The following ANKRD35 variants were observed in gnomAD, a reference collection of about 807,000 sequenced individuals.
ANKRD35 encodes ankyrin repeat domain-containing protein 35.
In ANKRD35, 102 loss-of-function variants were observed where a neutral mutation model predicts 109.9. That is an observed-to-expected ratio of 0.93 (90% CI 0.79 to 1.09). ANKRD35 has a LOEUF of 1.09. Ranked by LOEUF, ANKRD35 falls within the 50% of genes least tolerant of loss-of-function variation. The pLI is 0.00. For synonymous variants in ANKRD35, 515 were observed against 512.4 expected (o/e 1.01, Z -0.07); for missense variants, 1,240 against 1,230.1 (o/e 1.01, Z -0.12).
chr1:145,875,092 T>G, intron 7 of ANKRD35, 86 bp from the exon 8 acceptor site: 1 of 1,361,050 alleles, frequency 7.3e-7, no homozygotes, highest in East Asian at 2.4e-5. Context: ...CAGGGTAAGC[T>G]CTCATTCAGT....
chr1:145,867,302 A>G lies in ANKRD35; in HGVS notation c.*28T>C, dbSNP rs782693569. On this transcript the variant is annotated 3_prime_UTR_variant, in exon 13 of 14. Transcript: ENST00000355594. ...CACAACTCACAACAGAGAATCTCGT[A>G]TCCCTGAGGGCACACAGTGAGGCTG... is the stretch of plus-strand genomic sequence containing the variant. 6.2e-7 allele frequency: 1 copy of G among 1,607,446 alleles called. No homozygotes were observed. Among genetic ancestry groups the G allele is most frequent in the Non-Finnish European group, 8.5e-7 (1 of 1,174,098 alleles).
Position 145,872,891 on chromosome 1 carries a change from G to GTTAC in ANKRD35, c.1874_1877dup (p.Asn626LysfsTer2). On this transcript the variant is annotated stop_gained and frameshift_variant, in exon 10 of 14. Transcript: ENST00000355594. LOFTEE classifies it high-confidence loss of function. ...CCAACTCCCCTAACTCCTCCAGCAA[G>GTTAC]TTACTGTTGCTCAGTCTCAGTACTG... 6.2e-7 allele frequency: 1 copy of GTTAC among 1,614,082 alleles called. No homozygotes were observed. Among genetic ancestry groups the GTTAC allele is most frequent in the African/African-American group, 1.3e-5 (1 of 75,048 alleles).
rs1553739252 is a variant in ANKRD35, at chr1:145,873,150, CG to C, written c.1618del (p.Arg540AspfsTer18). On this transcript the variant is annotated frameshift_variant, in exon 10 of 14. Coordinates refer to ENST00000355594, the MANE Select transcript of ANKRD35 (RefSeq NM_144698.5). LOFTEE classifies it high-confidence loss of function. ...CAGCCTTGCCAGCACCCGCTCCAGT[CG>C]GGCTTCCATCTTCTCCCAGGCAGCT... ...AAAAWEKMEARLERVLARLEW... is the reference protein window; with the variant it reads ...AAAAWEKMEAXLERVLARLEW... 1.2e-6 allele frequency: 2 copies of C among 1,613,950 alleles called. No individual in the cohort carries two copies. Among genetic ancestry groups the C allele is most frequent in the Middle Eastern group, 1.6e-4 (1 of 6,084 alleles).
chr1:145,878,554 T>G, intron 2 of ANKRD35, 75 bp from the exon 3 acceptor site: 5 of 1,370,070 alleles, frequency 3.6e-6, no homozygotes, highest in Non-Finnish European at 5.1e-6. Context: ...TGATAAGCCC[T>G]TCTTGCTATG....
chr1:145,872,267 T>C lies in ANKRD35; in HGVS notation c.2502A>G (p.Gln834=). 1 of 1,612,008 alleles carries C rather than the reference T, an allele frequency of 6.2e-7. No individual in the cohort carries two copies. The highest frequency in any genetic ancestry group is 8.5e-7 in the Non-Finnish European group (1 of 1,179,174). Residue 834 remains glutamine, a synonymous_variant, in exon 10 of 14, where the codon CAA becomes CAG. Coordinates refer to ENST00000355594, the MANE Select transcript of ANKRD35 (RefSeq NM_144698.5). ...CCAGCGAACCCCGAGTTTTCTCGTG[T>C]TGCCGTAGGCTGGCTGCCTCCCGGG... The part of the protein sequence containing the change: ...LRAREAASLR[Q]HEKTRGSLVA...
At chr1:145,876,318 CT>C in intron 6 of ANKRD35, 72 bp from the exon 7 acceptor site, 1 of 1,443,776 alleles carries the variant, frequency 6.9e-7, no homozygotes, top group South Asian at 1.2e-5. Context: ...ACCGGCTCCC[CT>C]CCCCTCACAC....
Position 145,885,628 on chromosome 1 carries a change from A to G in ANKRD35, c.39+92T>C, listed in dbSNP as rs1654447426. The G allele has an allele frequency of 6.4e-6, 9 of 1,414,408 alleles. No homozygotes were observed. In the South Asian group the frequency reaches 1.1e-4, roughly 17 times the overall value. 87.6% of individuals were successfully genotyped at this position (1,414,408 alleles called of 1,614,324 possible). A position where few individuals can be genotyped will look rare whatever the true frequency, so the allele number is the denominator to read the frequency against. On this transcript the variant is annotated intron_variant, in intron 1 of 13. Transcript: ENST00000355594. Reference sequence around the variant, plus strand: ...AGAGCTAGAAAGACTGATAAAAAGAAAAGGCGATGATGCATTGAGACGGGA... The same window carrying G: ...AGAGCTAGAAAGACTGATAAAAAGAGAAGGCGATGATGCATTGAGACGGGA...
chr1:145,875,056 A>C (rs587642903), intron 7 of ANKRD35, 50 bp from the exon 8 acceptor site: 2 of 1,522,212 alleles, frequency 1.3e-6, no homozygotes. Flanking sequence ...GGAACCCAGA[A>C]GTCCTGGTTC....
At position 145,877,233 on chromosome 1, in the gene ANKRD35, A is replaced by ATT. The variant is rs55662836; in HGVS notation, c.325-362_325-361dup. Among the ~76,000 whole-genome samples the ATT allele has an allele frequency of 1.5e-3, 209 of 140,358 alleles. 3 individuals are homozygous for ATT. Among genetic ancestry groups the ATT allele is most frequent in the South Asian group, 0.011 (49 of 4,388 alleles). The allele number at this position is 140,358 out of a possible 152,430, so 92.1% of individuals were successfully genotyped here. A position where few individuals can be genotyped will look rare whatever the true frequency, so the allele number is the denominator to read the frequency against. The stretch of plus-strand genomic sequence containing the variant: ...GCCTGATGGCCGGTTAAGATAACTG[A>ATT]TTTTTTTTTTTTTTTTTGAGACAGA... On this transcript the variant is annotated intron_variant, in intron 4 of 13. Coordinates refer to ENST00000355594, the MANE Select transcript of ANKRD35 (RefSeq NM_144698.5).
rs1468171245 is a variant in ANKRD35, at chr1:145,872,980, C to A, written c.1789G>T (p.Gly597Trp). 1.2e-6 allele frequency: 2 copies of A among 1,610,650 alleles called. No homozygotes were observed. The highest frequency in any genetic ancestry group is 1.7e-6 in the Non-Finnish European group (2 of 1,178,470). ...AGGGCCTTTTCCCCTCCAAGGGCCC[C>A]TAGAGGCTCTCCTTGAGCCCCAGGA... ...RVPGAQGEPL[G>W]ALGGEKALGG... The change falls in exon 10 of 14, where the codon GGG (glycine) becomes TGG (tryptophan). Residue 597 changes from glycine to tryptophan, a missense_variant. Gly to Trp is a radical substitution (Grantham distance 184). Coordinates refer to ENST00000355594, the MANE Select transcript of ANKRD35 (RefSeq NM_144698.5).
Position 145,873,119 on chromosome 1 carries a change from C to T in ANKRD35, c.1650G>A (p.Trp550Ter). Residue 550 changes from tryptophan to a stop codon, truncating the protein, a stop_gained, in exon 10 of 14, where the codon TGG (tryptophan) becomes TGA (stop). Coordinates refer to ENST00000355594, the MANE Select transcript of ANKRD35 (RefSeq NM_144698.5). LOFTEE classifies it high-confidence loss of function. ...RLERVLARLE[W>*]AKAGLQVKPE... ...GTTTCACCTGTAGTCCTGCCTTTGC[C>T]CATTCCAGCCTTGCCAGCACCCGCT... 1 of 1,614,012 alleles carries T rather than the reference C, an allele frequency of 6.2e-7. No homozygotes were observed. Among genetic ancestry groups the T allele is most frequent in the Non-Finnish European group, 8.5e-7 (1 of 1,180,004 alleles).
intron 8 of ANKRD35, 40 bp from the exon 9 acceptor site, chr1:145,874,232 G>A (rs201416442): frequency 6.2e-7 from 1 of 1,604,246 alleles, no homozygotes; most frequent in Non-Finnish European, 8.5e-7. Context: ...GAGAAGACAG[G>A]TTCCATGTAC....
At chr1:145,878,066 TG>T (rs1204523811) in intron 3 of ANKRD35, 34 bp from the exon 4 acceptor site, 3 of 1,590,442 alleles carry the variant, frequency 1.9e-6, no homozygotes, top group Non-Finnish European at 2.6e-6. Flanking sequence ...GGAGGGTAGG[TG>T]GCCCCATGCA....
intron 13 of ANKRD35, 70 bp downstream of exon 13, chr1:145,867,217 C>A (rs1653636380): frequency 1.8e-6 from 2 of 1,093,076 alleles, no homozygotes; most frequent in Non-Finnish European, 2.8e-6. Context: ...GGACTAATTT[C>A]ATTCCATACA....
intron 6 of ANKRD35, 26 bp from the exon 7 acceptor site, chr1:145,876,272 A>T (rs376079572): frequency 1.9e-6 from 3 of 1,598,314 alleles, no homozygotes; most frequent in East Asian, 2.2e-5. Flanking sequence ...GAAGAGGTTC[A>T]TGAGCAGCCA....
rs782382709 is a variant in ANKRD35, at chr1:145,876,556, A to G, written c.453+13T>C. 2 of 1,614,156 alleles carry G rather than the reference A, an allele frequency of 1.2e-6. No homozygotes were observed. The highest frequency in any genetic ancestry group is 1.7e-6 in the Non-Finnish European group (2 of 1,180,020). ...TGTGTAGGACACTGCCCACTTGCCCATCTGACACTCACATTATCCAACACG... is the reference window on the plus strand; with the variant it reads ...TGTGTAGGACACTGCCCACTTGCCCGTCTGACACTCACATTATCCAACACG... On this transcript the variant is annotated intron_variant, in intron 6 of 13. Transcript: ENST00000355594.
At chr1:145,879,487 C>T (rs1654211915) in intron 1 of ANKRD35, 99 bp from the exon 2 acceptor site, 2 of 1,295,058 alleles carry the variant, frequency 1.5e-6, no homozygotes, top group Admixed American at 3.0e-5. Context: ...AGAAAAGGAA[C>T]ATCCCTTTTT....
At chr1:145,885,468 G>T (rs587612965) in intron 1 of ANKRD35, among the ~76,000 whole-genome samples, 1 of 152,118 alleles carries the variant, frequency 6.6e-6, no homozygotes, top group East Asian at 1.9e-4. Context: ...GAAATCGGGG[G>T]TGTAGATGCT....
At chr1:145,879,178 C>A in intron 2 of ANKRD35, 80 bp downstream of exon 2, 1 of 1,407,316 alleles carries the variant, frequency 7.1e-7, no homozygotes, top group Non-Finnish European at 9.3e-7. Context: ...GTAGGCATTC[C>A]CTGGTCCTAT....
Sources: gnomAD v4.1 joint callset for allele counts (sites outside exome capture counted in the v4.1 genomes callset) on GRCh38, gnomAD v4.1.1 for gene constraint, MANE v1.5 for transcripts, NCBI Gene and HGNC (gene_info 2026-07-23, HGNC 2026-07-21) for gene names.